Variants in KIF20B observed in about 807,000 individuals in gnomAD.
KIF20B encodes the protein kinesin-like protein KIF20B.
Under a neutral mutation model 232.5 loss-of-function variants are expected in KIF20B, and 188 were observed. That is an observed-to-expected ratio of 0.81 (90% CI 0.72 to 0.91). The LOEUF is 0.91. Ranked by LOEUF, KIF20B falls within the 40% of genes least tolerant of loss-of-function variation. The pLI, the probability that KIF20B is intolerant of heterozygous loss-of-function variation, is 0.00. For synonymous variants in KIF20B, 712 were observed against 683.0 expected, an observed-to-expected ratio of 1.04 and a Z score of -0.66; for missense variants, 2,154 against 2,055.9, an observed-to-expected ratio of 1.05 and a Z score of -0.92.
chr10:89,766,958 T>C (rs1398240277), intron 29 of KIF20B, among the ~76,000 whole-genome samples: 1 of 151,388 alleles, frequency 6.6e-6, no homozygotes, highest in Non-Finnish European at 1.5e-5. Context: ...CCGAGTGTAG[T>C]TCTCAAGAAG....
intron 31 of KIF20B, among the ~76,000 whole-genome samples, chr10:89,770,716 T>C (rs1478117725): frequency 6.6e-6 from 1 of 152,096 alleles, no homozygotes; most frequent in African/African-American, 2.4e-5. Context: ...CTTGGAAATA[T>C]AGAGAGAAAA....
intron 31 of KIF20B, among the ~76,000 whole-genome samples, chr10:89,770,179 T>G (rs759251113): frequency 6.6e-5 from 10 of 152,072 alleles, no homozygotes; most frequent in Non-Finnish European, 5.9e-5. Flanking sequence ...AGTATCGTTT[T>G]GAAATTGAAC....
chr10:89,711,020 C>A lies in KIF20B; in HGVS notation c.550C>A (p.Gln184Lys). The A allele has an allele frequency of 6.2e-7, 1 of 1,608,800 alleles. No homozygotes were observed. Among genetic ancestry groups the A allele is most frequent in the Non-Finnish European group, 8.5e-7 (1 of 1,177,578 alleles). Residue 184 changes from glutamine (Q) to lysine (K), a missense_variant, in exon 6 of 33, where the codon CAA (glutamine) becomes AAA (lysine). By Grantham distance (53) the Gln-to-Lys change is moderately conservative (BLOSUM62 1). Coordinates refer to ENST00000371728, the MANE Select transcript of KIF20B (RefSeq NM_001284259.2). ...TTTGAATGTATTATTTGATAGTCTT[C>A]AAGAAAGACTGTATACAAAGATGAA... ...RTLNVLFDSL[Q>K]ERLYTKMNLK... is the part of the protein sequence containing the mutation.
At chr10:89,765,953 C>T (rs576836754) in intron 29 of KIF20B, among the ~76,000 whole-genome samples, 1 of 152,034 alleles carries the variant, frequency 6.6e-6, no homozygotes, top group Non-Finnish European at 1.5e-5. Context: ...TTCATTTTGA[C>T]TTTGCTGAAT....
intron 23 of KIF20B, among the ~76,000 whole-genome samples, chr10:89,750,437 A>G (rs1841998599): frequency 6.6e-6 from 1 of 152,162 alleles, no homozygotes; most frequent in African/African-American, 2.4e-5. Context: ...GCATCAATGG[A>G]AAAATACTAA....
At chr10:89,729,398 C>T in intron 18 of KIF20B, 151 bp downstream of exon 18, 1 of 845,672 alleles carries the variant, frequency 1.2e-6, no homozygotes, top group Non-Finnish European at 1.6e-6. Flanking sequence ...TACTGTTTTC[C>T]AAATCTGAAT....
rs377304425 is a variant in KIF20B at position 89,757,022 on chromosome 10, TTG to T, written c.4504-1666_4504-1665del. Among the ~76,000 whole-genome samples the T allele has an allele frequency of 4.5e-3, 549 of 122,790 alleles. 4 individuals carry two copies. Among genetic ancestry groups the T allele is most frequent in the African/African-American group, 0.017 (498 of 30,168 alleles). The allele number at this position is 122,790 out of a possible 152,430, so 80.6% of individuals were successfully genotyped here. On this transcript the variant is annotated intron_variant, in intron 26 of 32. Transcript: ENST00000371728. ...TGGTGCACATTTGCATATATCTCTGTTGTGTGTGTGTGTGTGTGTATATATAT... is the reference window on the plus strand; with the variant it reads ...TGGTGCACATTTGCATATATCTCTGTTGTGTGTGTGTGTGTGTATATATAT...
intron 2 of KIF20B, among the ~76,000 whole-genome samples, chr10:89,706,128 G>A (rs1003815621): frequency 2.0e-5 from 3 of 152,128 alleles, no homozygotes; most frequent in African/African-American, 4.8e-5. Context: ...AATGTATGTA[G>A]GTTCCAGTGC....
Position 89,715,021 on chromosome 10 carries a change from A to G in KIF20B, c.779A>G (p.Asn260Ser), listed in dbSNP as rs1399140161. The G allele has an allele frequency of 2.5e-6, 4 of 1,604,316 alleles. No homozygotes were observed. The highest frequency in any genetic ancestry group is 3.4e-5 in the Admixed American group (2 of 59,298). ...EESIKDYEQA[N>S]LNMANSIKFS... is the part of the protein sequence containing the mutation. ...TCCATAAAAGATTATGAACAAGCCA[A>G]CTTGAATATGGCTAATAGTATAAAA... is the stretch of plus-strand genomic sequence containing the variant. The change falls in exon 8 of 33, where the codon AAC becomes AGC. Residue 260 changes from asparagine (N) to serine (S), a missense_variant. Transcript: ENST00000371728.
rs752730939 is a variant in KIF20B, at chr10:89,737,618, A to G, written c.2777A>G (p.Asn926Ser). 6.2e-7 allele frequency: 1 copy of G among 1,606,590 alleles called. No individual in the cohort carries two copies. Among genetic ancestry groups the G allele is most frequent in the South Asian group, 1.1e-5 (1 of 88,730 alleles). ...QQELSLSEKK[N>S]LTLSKEVQQI... ...GAACTTTCTCTTTCTGAAAAAAAGA[A>G]TTTAACTTTAAGTAAAGAGGTCCAA... Residue 926 changes from asparagine (N) to serine (S), a missense_variant, in exon 20 of 33, where the codon AAT (asparagine) becomes AGT (serine). Transcript: ENST00000371728.
chr10:89,762,894 G>A (rs1310630025), intron 29 of KIF20B, 59 bp downstream of exon 29: 18 of 1,291,968 alleles, frequency 1.4e-5, no homozygotes, highest in Non-Finnish European at 2.0e-5. Flanking sequence ...AGCTGTTATA[G>A]TATAGAGTTA....
rs1284647747 is a variant in KIF20B at position 89,705,423 on chromosome 10, A to G, written c.129A>G (p.Leu43=). ...TTGATCTGTCTCATGAATTTTCCTT[A>G]GTTGCTCCAAATACTGAGGTAAGTA... The part of the protein sequence containing the change: ...IKLDLSHEFS[L]VAPNTEANSF... The change falls in exon 2 of 33, where the codon TTA becomes TTG. Residue 43 remains leucine (L), a synonymous_variant. Transcript: ENST00000371728. 1.9e-6 allele frequency: 3 copies of G among 1,613,870 alleles called. No homozygotes were observed. Among genetic ancestry groups the G allele is most frequent in the Non-Finnish European group, 2.5e-6 (3 of 1,179,950 alleles).
rs139463284 is a variant in KIF20B at position 89,723,258 on chromosome 10, G to T, written c.1723-706G>T. On this transcript the variant is annotated intron_variant, in intron 13 of 32. Coordinates refer to ENST00000371728, the MANE Select transcript of KIF20B (RefSeq NM_001284259.2). The stretch of plus-strand genomic sequence containing the variant: ...ATTTGTTGTTGAGTAACTTTAAATA[G>T]AAACATTAAAAAGAATATGTAGCTG... Among the ~76,000 whole-genome samples the T allele has an allele frequency of 3.0e-3, 457 of 152,272 alleles. 3 individuals carry two copies. The highest frequency in any genetic ancestry group is 0.01 in the African/African-American group (427 of 41,574).
At chr10:89,725,897 C>A (rs1306391589) in intron 15 of KIF20B, among the ~76,000 whole-genome samples, 2 of 152,172 alleles carry the variant, frequency 1.3e-5, no homozygotes, top group Admixed American at 1.3e-4. Flanking sequence ...CAGACGTCTG[C>A]TGTCAAGCAA....
chr10:89,730,957 A>G (rs1843304733), intron 18 of KIF20B, among the ~76,000 whole-genome samples: 1 of 152,184 alleles, frequency 6.6e-6, no homozygotes, highest in South Asian at 2.1e-4. Context: ...ATAGTTGATG[A>G]GGACTTCGAT....
At chr10:89,745,441 T>C (rs1219745113) in intron 22 of KIF20B, among the ~76,000 whole-genome samples, 1 of 152,162 alleles carries the variant, frequency 6.6e-6, no homozygotes, top group African/African-American at 2.4e-5. Flanking sequence ...GAGAATCGCT[T>C]GAACCCAGGA....
chr10:89,738,800 A>T (rs1470713574), intron 20 of KIF20B, among the ~76,000 whole-genome samples, 158 bp from the exon 21 acceptor site: 1 of 152,178 alleles, frequency 6.6e-6, no homozygotes, highest in Non-Finnish European at 1.5e-5. Flanking sequence ...ATCAGCTTAT[A>T]AAAATCATAT....
At chr10:89,761,432 C>G (rs1842236644) in intron 28 of KIF20B, among the ~76,000 whole-genome samples, 1 of 150,716 alleles carries the variant, frequency 6.6e-6, no homozygotes, top group Admixed American at 6.6e-5. Flanking sequence ...CATATTGTAT[C>G]TTATGAATGG....
chr10:89,731,080 G>A (rs1173668600), intron 18 of KIF20B, among the ~76,000 whole-genome samples: 6 of 152,152 alleles, frequency 3.9e-5, no homozygotes, highest in South Asian at 2.1e-4. Flanking sequence ...CCTGGCTCTC[G>A]AAACTTTTAT....
Sources: allele counts gnomAD v4.1 joint callset (sites outside exome capture counted in the v4.1 genomes callset), GRCh38; gene constraint gnomAD v4.1.1; transcripts MANE v1.5; gene names NCBI Gene and HGNC (gene_info 2026-07-23, HGNC 2026-07-21).